MARK3: variants seen among roughly 807,000 people sequenced by gnomAD.
The protein encoded by MARK3 is microtubule affinity regulating kinase 3.
Under a neutral mutation model 90.1 loss-of-function variants are expected in MARK3, and 46 were observed. The observed-to-expected ratio is 0.51, with a 90% CI of 0.40 to 0.65. MARK3 has a LOEUF of 0.65. MARK3 is among the 30% of genes least tolerant of loss of function. MARK3 has a pLI of 0.00. For synonymous variants in MARK3, 321 were observed against 332.6 expected (o/e 0.97, Z 0.38); for missense variants, 818 against 947.2 (o/e 0.86, Z 1.79).
chr14:103,501,474 C>T (rs1007747014), intron 17 of MARK3, among the ~76,000 whole-genome samples: 3 of 152,228 alleles, frequency 2.0e-5, no homozygotes, highest in Admixed American at 6.5e-5. Flanking sequence ...AGTCTGTGTA[C>T]TTTATTATGC....
chr14:103,391,271 G>A (rs2090222662), intron 1 of MARK3, among the ~76,000 whole-genome samples: 1 of 152,122 alleles, frequency 6.6e-6, no homozygotes, highest in South Asian at 2.1e-4. Flanking sequence ...AGAAACCCTG[G>A]TATGTACTTA....
chr14:103,397,547 G>C (rs1025894660), intron 1 of MARK3, among the ~76,000 whole-genome samples: 33 of 151,916 alleles, frequency 2.2e-4, no homozygotes, highest in African/African-American at 7.7e-4. Flanking sequence ...GGCTGGTCTC[G>C]AACTCCTGAC....
At chr14:103,442,847 G>A (rs2092892723) in intron 3 of MARK3, among the ~76,000 whole-genome samples, 1 of 151,512 alleles carries the variant, frequency 6.6e-6, no homozygotes, top group Admixed American at 6.6e-5. Context: ...TAAATCTCAG[G>A]AATAAATAAT....
rs149242125 is a variant in MARK3 at position 103,473,412 on chromosome 14, T to G, written c.1265-1581T>G. Among the ~76,000 whole-genome samples the G allele has an allele frequency of 1.9e-3, 293 of 152,304 alleles. 1 individual carries two copies. The highest frequency in any genetic ancestry group is 1.8e-3 in the Non-Finnish European group (120 of 68,024). ...GTCTGTTTCTCTTCAGAATCTCAAA[T>G]CTTAAAAGGTTTTGTATTTTCTAAA... On this transcript the variant is annotated intron_variant, in intron 12 of 17. Coordinates refer to ENST00000429436, the MANE Select transcript of MARK3 (RefSeq NM_001128918.3).
At chr14:103,405,771 T>G (rs1300761315) in intron 2 of MARK3, among the ~76,000 whole-genome samples, 1 of 149,812 alleles carries the variant, frequency 6.7e-6, no homozygotes, top group Non-Finnish European at 1.5e-5. Context: ...TTTGTATTTT[T>G]GTATTTTTGT....
chr14:103,447,807 G>T (rs1036877019), intron 3 of MARK3, among the ~76,000 whole-genome samples: 3 of 152,014 alleles, frequency 2.0e-5, no homozygotes, highest in Non-Finnish European at 4.4e-5. Flanking sequence ...ACAGGGTCTC[G>T]CTTTGTCGCC....
Position 103,503,326 on chromosome 14 carries a change from T to G in MARK3, c.*99T>G, listed in dbSNP as rs1209436620. Reference sequence around the variant, plus strand: ...TATTTAGGCAATAACGTCTGCATCTTCTAAATCATGAAATTAAAGTCTGAG... The same window carrying G: ...TATTTAGGCAATAACGTCTGCATCTGCTAAATCATGAAATTAAAGTCTGAG... On this transcript the variant is annotated 3_prime_UTR_variant, in exon 18 of 18. Transcript: ENST00000429436. 1 of 1,098,348 alleles carries G rather than the reference T, an allele frequency of 9.1e-7. No individual in the cohort carries two copies. The highest frequency in any genetic ancestry group is 2.5e-5 in the East Asian group (1 of 40,126). The allele number at this position is 1,098,348 out of a possible 1,614,324, so 68.0% of individuals were successfully genotyped here. A position where few individuals can be genotyped will look rare whatever the true frequency, so the allele number is the denominator to read the frequency against.
chr14:103,452,158 G>A (rs1459047568), intron 5 of MARK3, among the ~76,000 whole-genome samples, 175 bp downstream of exon 5: 1 of 152,112 alleles, frequency 6.6e-6, no homozygotes, highest in Non-Finnish European at 1.5e-5. Context: ...TTGCCATGAA[G>A]TGTTTCACTA....
At chr14:103,443,813 A>T (rs1432230475) in intron 3 of MARK3, among the ~76,000 whole-genome samples, 2 of 152,024 alleles carry the variant, frequency 1.3e-5, no homozygotes, top group African/African-American at 4.8e-5. Context: ...ATTCCTTCTC[A>T]TGAACTTTGC....
At chr14:103,465,227 C>G (rs1439319176) in intron 7 of MARK3, among the ~76,000 whole-genome samples, 2 of 152,176 alleles carry the variant, frequency 1.3e-5, no homozygotes, top group African/African-American at 4.8e-5. Flanking sequence ...CTCGGCCTCC[C>G]AAAGTGCTGG....
chr14:103,412,334 G>A, intron 2 of MARK3: 1 of 628,458 alleles, frequency 1.6e-6, no homozygotes, highest in Non-Finnish European at 2.8e-6. Context: ...ATCCACTTTG[G>A]CCACCGTGTT....
At chr14:103,390,534 G>A (rs868502934) in intron 1 of MARK3, among the ~76,000 whole-genome samples, 6 of 152,070 alleles carry the variant, frequency 3.9e-5, no homozygotes, top group South Asian at 2.1e-4. Flanking sequence ...TGGAAGAATT[G>A]TCTTGGGCCA....
intron 3 of MARK3, among the ~76,000 whole-genome samples, chr14:103,430,592 T>C (rs558994354): frequency 1.3e-5 from 2 of 152,162 alleles, no homozygotes; most frequent in Non-Finnish European, 2.9e-5. Flanking sequence ...CCATCAGCAG[T>C]GTGCAATCTC....
At position 103,385,779 on chromosome 14, in the gene MARK3, G is replaced by A; in HGVS notation, c.-251G>A. ...AGCGCAGCCCGCCGCCCGCAGGCTC[G>A]GCTCCGCCACTGCCGCCCTCCCGGT... On this transcript the variant is annotated 5_prime_UTR_variant, in exon 1 of 18. Transcript: ENST00000429436. 1 of 396,870 alleles carries A rather than the reference G, an allele frequency of 2.5e-6. No individual in the cohort carries two copies. Among genetic ancestry groups the A allele is most frequent in the Non-Finnish European group, 4.4e-6 (1 of 224,904 alleles). 24.6% of individuals were successfully genotyped at this position (396,870 alleles called of 1,614,324 possible).
At chr14:103,449,807 C>G (rs1396061449) in intron 4 of MARK3, among the ~76,000 whole-genome samples, 1 of 152,168 alleles carries the variant, frequency 6.6e-6, no homozygotes, top group Admixed American at 6.6e-5. Flanking sequence ...AGTGATAGAT[C>G]ATACAATCTA....
intron 13 of MARK3, among the ~76,000 whole-genome samples, chr14:103,478,897 C>G (rs1292053352): frequency 2.0e-5 from 3 of 152,268 alleles, no homozygotes; most frequent in Admixed American, 2.0e-4. Context: ...TGTATATATA[C>G]TACAATTTAA....
At chr14:103,430,639 C>T (rs1595637825) in intron 3 of MARK3, among the ~76,000 whole-genome samples, 1 of 152,170 alleles carries the variant, frequency 6.6e-6, no homozygotes, top group Non-Finnish European at 1.5e-5. Flanking sequence ...TGGACTGGCT[C>T]ATTCAGGCAG....
intron 6 of MARK3, chr14:103,458,643 G>GTA: frequency 1.8e-6 from 1 of 570,676 alleles, no homozygotes; most frequent in South Asian, 2.3e-5. Context: ...AATTAATTCT[G>GTA]TATTCTCACA....
chr14:103,460,358 T>C (rs1426455846), intron 6 of MARK3, among the ~76,000 whole-genome samples: 2 of 152,160 alleles, frequency 1.3e-5, no homozygotes, highest in African/African-American at 4.8e-5. Flanking sequence ...GTGCTGGGAT[T>C]ACAGGCGTGA....
Sources: gnomAD v4.1 joint callset for allele counts (sites outside exome capture counted in the v4.1 genomes callset) on GRCh38, gnomAD v4.1.1 for gene constraint, MANE v1.5 for transcripts, NCBI Gene and HGNC (gene_info 2026-07-23, HGNC 2026-07-21) for gene names.